The following AGBL4 variants were observed in gnomAD, a reference collection of about 807,000 sequenced individuals.
AGBL4 encodes cytosolic carboxypeptidase 6.
AGBL4 carries 58 observed loss-of-function variants against 66.4 expected under a neutral mutation model. The ratio of observed to expected loss-of-function variants is 0.87; its 90% CI spans 0.71 to 1.09. The LOEUF (loss-of-function observed/expected upper bound fraction) is 1.09. Among genes scored for constraint, AGBL4 ranks in the 50% least tolerant of loss-of-function variants. The probability of loss-of-function intolerance (pLI) is 0.00; values close to 1 mark genes in which losing one functional copy is unlikely to be tolerated. For synonymous variants in AGBL4, 234 were observed against 222.9 expected, an observed-to-expected ratio of 1.05 and a Z score of -0.44; for missense variants, 579 against 631.0, an observed-to-expected ratio of 0.92 and a Z score of 0.88.
intron 1 of AGBL4, among the ~76,000 whole-genome samples, chr1:49,877,431 C>T (rs1429808736): frequency 6.6e-6 from 1 of 151,858 alleles, no homozygotes; most frequent in African/African-American, 2.4e-5. Context: ...TGGTTTTTGT[C>T]TTTGGTTCTG....
At chr1:49,279,913 G>C (rs1644242004) in intron 3 of AGBL4, among the ~76,000 whole-genome samples, 1 of 152,192 alleles carries the variant, frequency 6.6e-6, no homozygotes, top group East Asian at 1.9e-4. Context: ...CACCATGCTA[G>C]GAGGATAGCG....
At chr1:49,540,712 T>C (rs1651944135) in intron 3 of AGBL4, among the ~76,000 whole-genome samples, 1 of 152,230 alleles carries the variant, frequency 6.6e-6, no homozygotes, top group African/African-American at 2.4e-5. Flanking sequence ...TTATTTAATA[T>C]AGAAAGATAT....
At chr1:48,927,126 C>T (rs922155475) in intron 5 of AGBL4, among the ~76,000 whole-genome samples, 1 of 152,160 alleles carries the variant, frequency 6.6e-6, no homozygotes, top group African/African-American at 2.4e-5. Context: ...TTACAGACAG[C>T]AGCCACAAGG....
chr1:49,964,593 T>C (rs1017132171), intron 1 of AGBL4, among the ~76,000 whole-genome samples: 4 of 152,152 alleles, frequency 2.6e-5, no homozygotes, highest in African/African-American at 4.8e-5. Context: ...CTTTATTAGA[T>C]ACTGTAATAT....
intron 1 of AGBL4, among the ~76,000 whole-genome samples, chr1:49,961,558 C>A (rs902043759): frequency 6.6e-6 from 1 of 152,058 alleles, no homozygotes; most frequent in Admixed American, 6.6e-5. Context: ...TAGGACTTTT[C>A]TACTACTATG....
At chr1:49,470,303 A>C (rs1358347237) in intron 3 of AGBL4, among the ~76,000 whole-genome samples, 4 of 151,996 alleles carry the variant, frequency 2.6e-5, no homozygotes, top group Non-Finnish European at 4.4e-5. Flanking sequence ...CCATACATTC[A>C]TCAAAAAGAC....
intron 3 of AGBL4, among the ~76,000 whole-genome samples, chr1:49,443,890 T>C (rs1462623968): frequency 6.6e-6 from 1 of 151,800 alleles, no homozygotes. Flanking sequence ...TTGTTTTATA[T>C]AGGCACTTAA....
intron 6 of AGBL4, among the ~76,000 whole-genome samples, chr1:48,820,979 G>A (rs886781467): frequency 6.6e-6 from 1 of 152,166 alleles, no homozygotes; most frequent in East Asian, 1.9e-4. Flanking sequence ...AGACATACAA[G>A]TGGCCAATAA....
intron 4 of AGBL4, among the ~76,000 whole-genome samples, chr1:49,111,597 T>C (rs1359340167): frequency 5.3e-5 from 8 of 152,248 alleles, no homozygotes; most frequent in African/African-American, 1.7e-4. Context: ...ATGTCTCTCA[T>C]GCCATCTTCT....
chr1:48,898,625 A>G (rs568484393), intron 5 of AGBL4, among the ~76,000 whole-genome samples: 2 of 146,308 alleles, frequency 1.4e-5, no homozygotes, highest in African/African-American at 5.1e-5. Context: ...CGGATTCTCT[A>G]TTCTGTTTCA....
chr1:48,527,032 G>A, the AGBL4 span, among the ~76,000 whole-genome samples: 10 of 152,256 alleles, frequency 6.6e-5, no homozygotes, highest in South Asian at 2.1e-3. Context: ...AGCCATAGAG[G>A]AAATCTGAGC....
intron 3 of AGBL4, among the ~76,000 whole-genome samples, chr1:49,653,871 G>A (rs545404618): frequency 6.6e-5 from 10 of 151,640 alleles, no homozygotes; most frequent in Non-Finnish European, 1.0e-4. Flanking sequence ...AAGAGACCGG[G>A]AGAATGGAAC....
At chr1:49,367,181 C>G (rs1644255848) in intron 3 of AGBL4, among the ~76,000 whole-genome samples, 1 of 152,154 alleles carries the variant, frequency 6.6e-6, no homozygotes, top group Non-Finnish European at 1.5e-5. Context: ...TTGGATTTAT[C>G]CCCTCCAAAT....
At chr1:49,870,544 G>C (rs920427243) in intron 1 of AGBL4, among the ~76,000 whole-genome samples, 4 of 150,254 alleles carry the variant, frequency 2.7e-5, no homozygotes, top group Non-Finnish European at 5.9e-5. Flanking sequence ...AAAACATCTC[G>C]TGTGCCCCCA....
intron 3 of AGBL4, among the ~76,000 whole-genome samples, chr1:49,572,046 T>G (rs1644341948): frequency 6.6e-6 from 1 of 152,186 alleles, no homozygotes; most frequent in Non-Finnish European, 1.5e-5. Flanking sequence ...GCTGTGTCCT[T>G]GTTTGCTTGG....
At chr1:49,206,710 G>A (rs1283209367) in intron 4 of AGBL4, among the ~76,000 whole-genome samples, 1 of 152,028 alleles carries the variant, frequency 6.6e-6, no homozygotes, top group Non-Finnish European at 1.5e-5. Flanking sequence ...AAAAAATCAA[G>A]TAAAGGAGTA....
chr1:48,852,683 A>G (rs1647059788), intron 6 of AGBL4, among the ~76,000 whole-genome samples: 1 of 152,216 alleles, frequency 6.6e-6, no homozygotes, highest in African/African-American at 2.4e-5. Context: ...CTACGTTAGG[A>G]TAGGAAGGTG....
At chr1:49,879,104 C>A (rs1488054526) in intron 1 of AGBL4, among the ~76,000 whole-genome samples, 1 of 89,622 alleles carries the variant, frequency 1.1e-5, no homozygotes, top group African/African-American at 4.6e-5. Context: ...TGGGTCTTGA[C>A]TCTTTATCCA....
At chr1:49,372,639 CTTTCTTTCTTTCT>C in intron 3 of AGBL4, among the ~76,000 whole-genome samples, 1 of 132,282 alleles carries the variant, frequency 7.6e-6, no homozygotes. Flanking sequence ...TTCTTTCTTT[CTTTCTTTCTTTCT>C]TTCTTTCTTT....
Sources: gnomAD v4.1 joint callset for allele counts (sites outside exome capture counted in the v4.1 genomes callset) on GRCh38, gnomAD v4.1.1 for gene constraint, MANE v1.5 for transcripts, NCBI Gene and HGNC (gene_info 2026-07-23, HGNC 2026-07-21) for gene names.